CIB3: variants seen among roughly 807,000 people sequenced by gnomAD.
CIB3 encodes calcium and integrin-binding family member 3.
CIB3 carries 22 observed loss-of-function variants against 23.4 expected under a neutral mutation model. That is an observed-to-expected ratio of 0.94 (90% CI 0.67 to 1.34). The LOEUF (loss-of-function observed/expected upper bound fraction) is 1.34. Ranked by LOEUF, CIB3 falls within the 40% of genes most tolerant of loss-of-function variation. The probability of loss-of-function intolerance (pLI) is 0.00; values close to 1 mark genes in which losing one functional copy is unlikely to be tolerated. For missense variants in CIB3, 258 were observed against 247.3 expected (o/e 1.04, Z -0.29); for synonymous variants, 93 against 95.8 (o/e 0.97, Z 0.17).
intron 5 of CIB3, 61 bp downstream of exon 5, chr19:16,164,657 G>T: frequency 6.9e-7 from 1 of 1,448,640 alleles, no homozygotes; most frequent in Non-Finnish European, 9.6e-7. Context: ...TCTGTGAACT[G>T]TCTGCGTAAG....
At chr19:16,161,562 C>A in intron 5 of CIB3, 76 bp from the exon 6 acceptor site, 1 of 1,512,150 alleles carries the variant, frequency 6.6e-7, no homozygotes, top group Non-Finnish European at 9.1e-7. Context: ...TCAACACGCT[C>A]ACGGCAAGTC....
chr19:16,172,551 C>T (rs963983560), intron 2 of CIB3, among the ~76,000 whole-genome samples: 2 of 152,172 alleles, frequency 1.3e-5, no homozygotes, highest in Non-Finnish European at 2.9e-5. Context: ...AGCTCATCAG[C>T]CTAGAGACTG....
At chr19:16,167,430 G>T (rs914495273) in intron 4 of CIB3, among the ~76,000 whole-genome samples, 1 of 152,130 alleles carries the variant, frequency 6.6e-6, no homozygotes, top group Non-Finnish European at 1.5e-5. Context: ...ACAGGTCAAG[G>T]AACAAGAAAT....
At chr19:16,169,903 A>G (rs1295357347) in intron 2 of CIB3, among the ~76,000 whole-genome samples, 162 bp from the exon 3 acceptor site, 1 of 151,972 alleles carries the variant, frequency 6.6e-6, no homozygotes, top group Non-Finnish European at 1.5e-5. Flanking sequence ...GGGTTCAAGC[A>G]ATTCTCCTGC....
At chr19:16,165,292 CAAAAAAAAAAA>C (rs71178645) in intron 4 of CIB3, among the ~76,000 whole-genome samples, 39 of 79,966 alleles carry the variant, frequency 4.9e-4, no homozygotes, top group Middle Eastern at 0.01. Flanking sequence ...AAACTCCGTC[CAAAAAAAAAAA>C]AAAAAAAAAG....
chr19:16,161,461 G>C lies in CIB3; in HGVS notation c.*4C>G. The C allele has an allele frequency of 2.5e-6, 4 of 1,614,026 alleles. No individual in the cohort carries two copies. Among genetic ancestry groups the C allele is most frequent in the Non-Finnish European group, 3.4e-6 (4 of 1,179,922 alleles). On this transcript the variant is annotated 3_prime_UTR_variant, in exon 6 of 6. Coordinates refer to ENST00000269878, the MANE Select transcript of CIB3 (RefSeq NM_054113.4). ...TCCTATAGCTCGGCTCCTCTGTGGTGCCATCAGATTCGGATGTGGAAGGTG... is the reference window on the plus strand; with the variant it reads ...TCCTATAGCTCGGCTCCTCTGTGGTCCCATCAGATTCGGATGTGGAAGGTG...
At chr19:16,164,949 G>A (rs2091299964) in intron 4 of CIB3, 36 bp from the exon 5 acceptor site, 1 of 1,586,214 alleles carries the variant, frequency 6.3e-7, no homozygotes, top group Non-Finnish European at 8.7e-7. Flanking sequence ...GACAGCAGGT[G>A]GCAGGAGGGC....
At chr19:16,161,600 T>G (rs1048131914) in intron 5 of CIB3, 114 bp from the exon 6 acceptor site, 57 of 1,113,534 alleles carry the variant, frequency 5.1e-5, no homozygotes, top group Admixed American at 2.9e-4. Context: ...GGATGCCACA[T>G]GGACCCCTCA....
intron 2 of CIB3, among the ~76,000 whole-genome samples, chr19:16,171,378 A>G (rs2091327620): frequency 6.6e-6 from 1 of 152,158 alleles, no homozygotes; most frequent in Non-Finnish European, 1.5e-5. Context: ...TCATTAGGGC[A>G]TGCTGAGCAG....
intron 4 of CIB3, among the ~76,000 whole-genome samples, chr19:16,167,617 A>C (rs1223016828): frequency 6.6e-6 from 1 of 152,088 alleles, no homozygotes; most frequent in Non-Finnish European, 1.5e-5. Context: ...GGATCACCCG[A>C]GGTCAAGAGT....
intron 3 of CIB3, among the ~76,000 whole-genome samples, chr19:16,168,658 CA>C (rs1312106083): frequency 5.9e-5 from 9 of 152,168 alleles, no homozygotes; most frequent in African/African-American, 1.7e-4. Flanking sequence ...CTGCTGCTTG[CA>C]AAGCTCACAG....
intron 3 of CIB3, 91 bp from the exon 4 acceptor site, chr19:16,168,375 G>C: frequency 6.6e-7 from 1 of 1,519,564 alleles, no homozygotes; most frequent in Non-Finnish European, 8.9e-7. Flanking sequence ...CACCTTCTGG[G>C]AACCTCCAAG....
chr19:16,163,031 A>G (rs866777925), intron 5 of CIB3, among the ~76,000 whole-genome samples: 3 of 151,240 alleles, frequency 2.0e-5, no homozygotes, highest in Admixed American at 6.6e-5. Flanking sequence ...CTGGGACTAG[A>G]GGTGTGCCCC....
intron 3 of CIB3, among the ~76,000 whole-genome samples, chr19:16,169,392 C>A (rs879355022): frequency 2.0e-5 from 3 of 152,140 alleles, no homozygotes; most frequent in Admixed American, 6.6e-5. Context: ...GATCCACCCG[C>A]CTCGGCCTCC....
rs373689760 is a variant in CIB3, at chr19:16,162,886, C to CT, written c.543-1401dup. Among the ~76,000 whole-genome samples the CT allele has an allele frequency of 1.9e-3, 199 of 102,414 alleles. 2 individuals are homozygous for CT. The highest frequency in any genetic ancestry group is 3.0e-3 in the African/African-American group (80 of 26,522). 67.2% of individuals were successfully genotyped at this position (102,414 alleles called of 152,430 possible). A position where few individuals can be genotyped will look rare whatever the true frequency, so the allele number is the denominator to read the frequency against. On this transcript the variant is annotated intron_variant, in intron 5 of 5. Coordinates refer to ENST00000269878, the MANE Select transcript of CIB3 (RefSeq NM_054113.4). ...TTTTATTTCTTTTTTCTTTTCTTTT[C>CT]TTTTTTTTTTTTTTTTTTTTTTGAG...
In CIB3 at chr19:16,161,475, A is replaced by T. The variant is rs2091284517; in HGVS notation, c.554T>A (p.Ile185Asn). Residue 185 changes from isoleucine (I) to asparagine (N), a missense_variant, in exon 6 of 6, where the codon ATC becomes AAC. Ile to Asn is a moderately radical substitution (Grantham distance 149, BLOSUM62 -3). Coordinates refer to ENST00000269878, the MANE Select transcript of CIB3 (RefSeq NM_054113.4). The part of the protein sequence containing the change: ...RAPDFLSTFH[I>N]RI Reference sequence around the variant, plus strand: ...TCCTCTGTGGTGCCATCAGATTCGGATGTGGAAGGTGCTGTGTGCAGAGAG... The same window carrying T: ...TCCTCTGTGGTGCCATCAGATTCGGTTGTGGAAGGTGCTGTGTGCAGAGAG... 2 of 1,613,840 alleles carry T rather than the reference A, an allele frequency of 1.2e-6. No homozygotes were observed. Among genetic ancestry groups the T allele is most frequent in the African/African-American group, 2.7e-5 (2 of 74,952 alleles).
chr19:16,163,567 CAAACAA>C (rs1190673861), intron 5 of CIB3, among the ~76,000 whole-genome samples: 1 of 151,934 alleles, frequency 6.6e-6, no homozygotes, highest in Non-Finnish European at 1.5e-5. Flanking sequence ...AACAAACAAA[CAAACAA>C]AAAGAAACAT....
At chr19:16,171,276 A>T (rs1392657326) in intron 2 of CIB3, among the ~76,000 whole-genome samples, 1 of 152,192 alleles carries the variant, frequency 6.6e-6, no homozygotes, top group Non-Finnish European at 1.5e-5. Context: ...GGCAGACAAA[A>T]GATATTTTGC....
intron 4 of CIB3, among the ~76,000 whole-genome samples, chr19:16,166,776 C>A (rs568094942): frequency 2.0e-5 from 3 of 152,282 alleles, no homozygotes; most frequent in Admixed American, 2.0e-4. Context: ...TTTTCATGTA[C>A]TCACTCAAAA....
Sources: gnomAD v4.1 joint callset for allele counts (sites outside exome capture counted in the v4.1 genomes callset) on GRCh38, gnomAD v4.1.1 for gene constraint, MANE v1.5 for transcripts, NCBI Gene and HGNC (gene_info 2026-07-23, HGNC 2026-07-21) for gene names.